The following ADGRB1 variants were observed in gnomAD, a reference collection of about 807,000 sequenced individuals.
ADGRB1 encodes adhesion G protein-coupled receptor B1.
ADGRB1 carries 36 observed loss-of-function variants against 175.7 expected under a neutral mutation model. That is an observed-to-expected ratio of 0.20 (90% CI 0.16 to 0.27). The LOEUF is 0.27. Ranked by LOEUF, ADGRB1 falls within the 10% of genes least tolerant of loss-of-function variation. The probability of loss-of-function intolerance (pLI) is 1.00; values close to 1 mark genes in which losing one functional copy is unlikely to be tolerated. For missense variants in ADGRB1, 1,731 were observed against 2,255.3 expected (o/e 0.77, Z 4.71); for synonymous variants, 1,054 against 979.4 (o/e 1.08, Z -1.42).
chr8:142,531,832 C>T (rs1339769873), intron 24 of ADGRB1, among the ~76,000 whole-genome samples: 3 of 152,164 alleles, frequency 2.0e-5, no homozygotes, highest in Non-Finnish European at 2.9e-5. Context: ...GGAAGAGAGT[C>T]CAGGAGGCAG....
chr8:142,533,558 A>T, intron 25 of ADGRB1, 92 bp downstream of exon 25: 1 of 1,412,574 alleles, frequency 7.1e-7, no homozygotes, highest in Non-Finnish European at 9.5e-7. Context: ...CGGCAGGGAG[A>T]TTGTGGGTAG....
chr8:142,539,356 G>A lies in ADGRB1; in HGVS notation c.3667-18G>A. The stretch of plus-strand genomic sequence containing the variant: ...CTCCCAGAGGCGCTCACCCTGCCCT[G>A]TTGTCTCTGTCCTACAGACCGACTT... On this transcript the variant is annotated intron_variant, in intron 26 of 30. Transcript: ENST00000517894. 1 of 1,577,778 alleles carries A rather than the reference G, an allele frequency of 6.3e-7. No homozygotes were observed. Among genetic ancestry groups the A allele is most frequent in the Non-Finnish European group, 8.6e-7 (1 of 1,162,552 alleles).
intron 22 of ADGRB1, 144 bp downstream of exon 22, chr8:142,522,854 G>A: frequency 1.0e-6 from 1 of 971,416 alleles, no homozygotes; most frequent in Non-Finnish European, 1.4e-6. Flanking sequence ...GGGGCCCCAG[G>A]GGCTGGAGGC....
intron 18 of ADGRB1, 50 bp from the exon 19 acceptor site, chr8:142,518,088 T>C (rs754391442): frequency 1.9e-6 from 3 of 1,573,652 alleles, no homozygotes; most frequent in Non-Finnish European, 2.6e-6. Flanking sequence ...GTCTGCCGAG[T>C]GGGCGAGTGG....
At chr8:142,528,639 G>A (rs549042246) in intron 24 of ADGRB1, among the ~76,000 whole-genome samples, 3 of 151,246 alleles carry the variant, frequency 2.0e-5, no homozygotes, top group South Asian at 2.1e-4. Flanking sequence ...CACCAGTAAC[G>A]CCATGTTAGT....
chr8:142,541,153 G>A (rs1004189723), intron 27 of ADGRB1, among the ~76,000 whole-genome samples: 3 of 152,092 alleles, frequency 2.0e-5, no homozygotes, highest in Admixed American at 2.0e-4. Flanking sequence ...TTTGGAGACT[G>A]GGGCTTGGAG....
Position 142,455,739 on chromosome 8 carries a change from C to A in ADGRB1, c.-220+5635C>A, listed in dbSNP as rs191321419. Among the ~76,000 whole-genome samples the A allele has an allele frequency of 1.3e-5, 2 of 152,180 alleles. No homozygotes were observed. The highest frequency in any genetic ancestry group is 6.5e-5 in the Admixed American group (1 of 15,284). On this transcript the variant is annotated intron_variant, in intron 1 of 30. Transcript: ENST00000517894. The surrounding 1 kb of genome is among the most constrained non-coding windows in gnomAD (Gnocchi z 4.9). ...CTTTGAAGTAAGAAACGCAGAGGAG[C>A]GGCCAGGAGGCTGAGAAGATGGTGC...
Position 142,489,119 on chromosome 8 carries a change from C to A in ADGRB1, c.2528+9C>A. The A allele has an allele frequency of 6.2e-7, 1 of 1,600,368 alleles. No homozygotes were observed. Among genetic ancestry groups the A allele is most frequent in the Non-Finnish European group, 8.5e-7 (1 of 1,175,762 alleles). ...TTCCTGGCCCTGCAGAGGTGGGGAG[C>A]CCTGGGCAGGTGGGGTGGGCAGTGC... On this transcript the variant is annotated intron_variant, in intron 15 of 30. Coordinates refer to ENST00000517894, the MANE Select transcript of ADGRB1 (RefSeq NM_001702.3).
rs117758048 is a variant in ADGRB1 at position 142,455,729 on chromosome 8, C to T, written c.-220+5625C>T. ...GTTGAGGGGTCTTTGAAGTAAGAAA[C>T]GCAGAGGAGCGGCCAGGAGGCTGAG... On this transcript the variant is annotated intron_variant, in intron 1 of 30. Transcript: ENST00000517894. The surrounding 1 kb of genome is among the most constrained non-coding windows in gnomAD (Gnocchi z 4.9). 0.01 allele frequency among the ~76,000 whole-genome samples: 1,586 copies of T among 152,274 alleles called. 35 individuals carry two copies. Among genetic ancestry groups the T allele is most frequent in the South Asian group, 0.094 (452 of 4,822 alleles).
intron 1 of ADGRB1, among the ~76,000 whole-genome samples, chr8:142,458,880 G>A (rs1162398141): frequency 3.9e-5 from 6 of 152,236 alleles, no homozygotes; most frequent in Admixed American, 3.3e-4. Flanking sequence ...TGTTATCCAG[G>A]TCGAGATATG....
intron 17 of ADGRB1, among the ~76,000 whole-genome samples, chr8:142,491,082 G>A (rs374765253): frequency 3.3e-5 from 5 of 152,158 alleles, no homozygotes; most frequent in Non-Finnish European, 5.9e-5. Flanking sequence ...ATGGGCAGGC[G>A]TCCTGGCCTG....
Position 142,476,597 on chromosome 8 carries a change from C to T in ADGRB1, c.959C>T (p.Thr320Ile), listed in dbSNP as rs575059284. The change falls in exon 4 of 31, where the codon ACC becomes ATC. Residue 320 changes from threonine to isoleucine, a missense_variant. Physicochemically the swap from Thr to Ile is moderately conservative, Grantham distance 89 (BLOSUM62 -1). Transcript: ENST00000517894. ...GCCCGTCCTGCAGCCGCTGGGCGCACCAGCTCCCGGAGCCAGTCCCTGCGG... is the reference window on the plus strand; with the variant it reads ...GCCCGTCCTGCAGCCGCTGGGCGCATCAGCTCCCGGAGCCAGTCCCTGCGG... ...NREACGPAGR[T>I]SSRSQSLRST... The T allele has an allele frequency of 6.5e-6, 10 of 1,548,790 alleles. No homozygotes were observed. The East Asian group carries it at 2.2e-4, about 34-fold the overall frequency.
At chr8:142,472,139 T>C (rs1333300004) in intron 2 of ADGRB1, among the ~76,000 whole-genome samples, 1 of 152,080 alleles carries the variant, frequency 6.6e-6, no homozygotes, top group African/African-American at 2.4e-5. Flanking sequence ...GCCCGGAAGC[T>C]AGGGAGGCCC....
intron 1 of ADGRB1, among the ~76,000 whole-genome samples, chr8:142,463,536 G>A (rs1224766971): frequency 1.3e-5 from 2 of 152,250 alleles, no homozygotes; most frequent in Admixed American, 6.5e-5. Context: ...TAGAGAGGAG[G>A]GACCAAGGTC....
rs747395444 is a variant in ADGRB1, at chr8:142,484,087, T to A, written c.2199+42T>A. On this transcript the variant is annotated intron_variant, in intron 12 of 30. Coordinates refer to ENST00000517894, the MANE Select transcript of ADGRB1 (RefSeq NM_001702.3). ...CTACGGTCAGCAGCCTCAGGAGGGG[T>A]GCAGGCACAGCTGGTGCCTCCCTGG... is the stretch of plus-strand genomic sequence containing the variant. 3 of 1,569,664 alleles carry A rather than the reference T, an allele frequency of 1.9e-6. No individual in the cohort carries two copies. The East Asian group carries it at 6.8e-5, about 36-fold the overall frequency.
intron 2 of ADGRB1, among the ~76,000 whole-genome samples, chr8:142,465,547 C>T (rs1202900798): frequency 6.6e-6 from 1 of 151,918 alleles, no homozygotes; most frequent in African/African-American, 2.4e-5. Context: ...GATGAATCAC[C>T]TCTGCCACAC....
At chr8:142,463,248 C>A (rs147146290) in intron 1 of ADGRB1, among the ~76,000 whole-genome samples, 3 of 152,154 alleles carry the variant, frequency 2.0e-5, no homozygotes, top group Non-Finnish European at 4.4e-5. Flanking sequence ...GTGGGAGGGC[C>A]GAAAGAGAGC....
At chr8:142,524,877 C>T (rs773415995) in intron 23 of ADGRB1, among the ~76,000 whole-genome samples, 2 of 152,088 alleles carry the variant, frequency 1.3e-5, no homozygotes, top group Non-Finnish European at 2.9e-5. Context: ...CTGCGGCAGC[C>T]TGGGGGACCC....
intron 19 of ADGRB1, among the ~76,000 whole-genome samples, chr8:142,520,366 GTGA>G (rs1452600572): frequency 1.8e-4 from 25 of 139,050 alleles, no homozygotes; most frequent in African/African-American, 6.3e-4. Context: ...GATGATGGTG[GTGA>G]TGGTGGTGGT....
Sources: allele counts gnomAD v4.1 joint callset (sites outside exome capture counted in the v4.1 genomes callset), GRCh38; gene constraint gnomAD v4.1.1; non-coding constraint Gnocchi (gnomAD v3.1); transcripts MANE v1.5; gene names NCBI Gene and HGNC (gene_info 2026-07-23, HGNC 2026-07-21).